Variants in ARHGEF33 observed in about 807,000 individuals in gnomAD.
ARHGEF33 encodes the protein Rho guanine nucleotide exchange factor 33.
In ARHGEF33, 72 loss-of-function variants were observed where a neutral mutation model predicts 101.9. The observed-to-expected ratio is 0.71, with a 90% confidence interval of 0.58 to 0.86. ARHGEF33 has a LOEUF of 0.86. ARHGEF33 is among the 40% of genes least tolerant of loss of function. ARHGEF33 has a pLI of 0.00. For missense variants in ARHGEF33, 1,169 were observed against 1,111.3 expected (o/e 1.05, Z -0.74); for synonymous variants, 499 against 442.5 (o/e 1.13, Z -1.60).
intron 11 of ARHGEF33, among the ~76,000 whole-genome samples, chr2:38,952,856 G>A (rs2124414895): frequency 6.6e-6 from 1 of 152,218 alleles, no homozygotes; most frequent in Non-Finnish European, 1.5e-5. Context: ...CTGCCATCAT[G>A]CCTGGCTAAT....
rs569821742 is a variant in ARHGEF33 at position 38,948,078 on chromosome 2, A to G, written c.921-2911A>G. On this transcript the variant is annotated intron_variant, in intron 10 of 17. Coordinates refer to ENST00000409978, the MANE Select transcript of ARHGEF33 (RefSeq NM_001145451.5). ...AAACTACTAATGTTGCCAAAATTTCATCCCAGTAAGGAATAGGAAAAAAAA... is the reference window on the plus strand; with the variant it reads ...AAACTACTAATGTTGCCAAAATTTCGTCCCAGTAAGGAATAGGAAAAAAAA... Among the ~76,000 whole-genome samples, 3 of 152,146 alleles carry G rather than the reference A, an allele frequency of 2.0e-5. No homozygotes were observed. The South Asian group carries it at 6.2e-4, about 32-fold the overall frequency.
chr2:38,960,891 A>G (rs964513261), intron 16 of ARHGEF33, among the ~76,000 whole-genome samples: 6 of 152,194 alleles, frequency 3.9e-5, no homozygotes, highest in Non-Finnish European at 8.8e-5. Flanking sequence ...CCAGGACCCA[A>G]AGAGCTTGCC....
rs779748452 is a variant in ARHGEF33 at position 38,937,484 on chromosome 2, C to G, written c.715C>G (p.Pro239Ala). ...WGEEYVTKDH[P>A]DKLKEAGQGR... ...TGAAGAATACGTCACAAAAGACCAC[C>G]CAGATAAACTCAAGGAGGCTGGCCA... Residue 239 changes from proline (P) to alanine (A), a missense_variant, in exon 9 of 18, where the codon CCA (proline) becomes GCA (alanine). Transcript: ENST00000409978. 35 of 1,550,848 alleles carry G rather than the reference C, an allele frequency of 2.3e-5. No homozygotes were observed. The African/African-American group carries it at 4.8e-4, about 21-fold the overall frequency.
chr2:38,892,183 G>A (rs1319083382), intron 1 of ARHGEF33, among the ~76,000 whole-genome samples: 1 of 152,130 alleles, frequency 6.6e-6, no homozygotes, highest in African/African-American at 2.4e-5. Flanking sequence ...ATTTGTCTTT[G>A]GGGCCTACTT....
chr2:38,906,367 C>A (rs1340419309), intron 2 of ARHGEF33, among the ~76,000 whole-genome samples: 1 of 151,994 alleles, frequency 6.6e-6, no homozygotes, highest in Non-Finnish European at 1.5e-5. Context: ...AATAATGCAA[C>A]AATAGATTGA....
intron 17 of ARHGEF33, chr2:38,969,381 A>C (rs998427593): frequency 5.9e-6 from 1 of 168,722 alleles, no homozygotes; most frequent in Non-Finnish European, 1.5e-5. Context: ...TCCTGTCTAC[A>C]CTGACACACT....
Position 38,907,217 on chromosome 2 carries a change from G to T in ARHGEF33, c.-86+11368G>T, listed in dbSNP as rs371681058. 3.2e-4 allele frequency among the ~76,000 whole-genome samples: 49 copies of T among 152,248 alleles called. No individual in the cohort carries two copies. The East Asian group carries it at 8.9e-3, about 28-fold the overall frequency. ...GCTGACCCCTGTCAAGTATGCACGG[G>T]CTGTGGACCATTTTTCTAACTGAAC... On this transcript the variant is annotated intron_variant, in intron 2 of 17. Transcript: ENST00000409978.
intron 4 of ARHGEF33, chr2:38,928,656 A>T (rs1175882777): frequency 3.7e-6 from 1 of 271,394 alleles, no homozygotes; most frequent in East Asian, 6.4e-5. Flanking sequence ...AGCACTTGTA[A>T]ACTTAATTAA....
At chr2:38,954,333 G>A (rs567190293) in intron 12 of ARHGEF33, 40 bp from the exon 13 acceptor site, 89 of 1,246,432 alleles carry the variant, frequency 7.1e-5, no homozygotes, top group Non-Finnish European at 9.9e-5. Flanking sequence ...GCCACAGCTG[G>A]AGGAACACTG....
intron 16 of ARHGEF33, among the ~76,000 whole-genome samples, chr2:38,965,050 A>G (rs879447830): frequency 5.5e-5 from 8 of 144,630 alleles, no homozygotes; most frequent in Non-Finnish European, 7.7e-5. Context: ...ATGTTTCCCG[A>G]AAAAAAAAAA....
Position 38,975,087 on chromosome 2 carries a change from A to T in ARHGEF33, c.*1244A>T, listed in dbSNP as rs575246703. Reference sequence around the variant, plus strand: ...CTGTTCATTCAAAATCTTGGTACTCAAACTGGTGTCTTCAGAAGCTGTTCC... The same window carrying T: ...CTGTTCATTCAAAATCTTGGTACTCTAACTGGTGTCTTCAGAAGCTGTTCC... On this transcript the variant is annotated 3_prime_UTR_variant, in exon 18 of 18. Coordinates refer to ENST00000409978, the MANE Select transcript of ARHGEF33 (RefSeq NM_001145451.5). 6 of 152,198 alleles carry T rather than the reference A, an allele frequency of 3.9e-5. No individual in the cohort carries two copies. The highest frequency in any genetic ancestry group is 8.8e-5 in the Non-Finnish European group (6 of 68,034). 9.4% of individuals were successfully genotyped at this position (152,198 alleles called of 1,614,324 possible).
chr2:38,912,085 G>A (rs1438440673), intron 2 of ARHGEF33, among the ~76,000 whole-genome samples: 2 of 152,190 alleles, frequency 1.3e-5, no homozygotes, highest in African/African-American at 2.4e-5. Flanking sequence ...ACATGATCAG[G>A]CATGATATAG....
chr2:38,952,944 C>G (rs1018800097), intron 11 of ARHGEF33, among the ~76,000 whole-genome samples: 1 of 152,196 alleles, frequency 6.6e-6, no homozygotes, highest in Non-Finnish European at 1.5e-5. Flanking sequence ...GGCAATCCAC[C>G]TGCCTTGGCC....
At chr2:38,959,652 C>G (rs1374284481) in intron 15 of ARHGEF33, 189 bp from the exon 16 acceptor site, 1 of 598,676 alleles carries the variant, frequency 1.7e-6, no homozygotes, top group Non-Finnish European at 2.8e-6. Flanking sequence ...CTCCGCTCGA[C>G]GGACTGCCTT....
intron 2 of ARHGEF33, among the ~76,000 whole-genome samples, chr2:38,907,128 A>G (rs1160635215): frequency 6.6e-6 from 1 of 152,128 alleles, no homozygotes; most frequent in Admixed American, 6.6e-5. Context: ...AGGAATGCCT[A>G]AGGCCTGTGA....
rs1668239965 is a variant in ARHGEF33 at position 38,974,762 on chromosome 2, C to G, written c.*919C>G. 1 of 152,198 alleles carries G rather than the reference C, an allele frequency of 6.6e-6. No individual in the cohort carries two copies. The highest frequency in any genetic ancestry group is 2.1e-4 in the South Asian group (1 of 4,826). The allele number at this position is 152,198 out of a possible 1,614,324, so 9.4% of individuals were successfully genotyped here. On this transcript the variant is annotated 3_prime_UTR_variant, in exon 18 of 18. Coordinates refer to ENST00000409978, the MANE Select transcript of ARHGEF33 (RefSeq NM_001145451.5). ...CAATAGCACCAAAACTTCAATGGCTCACACACAGCAGTTGCTACAAACAGC... is the reference window on the plus strand; with the variant it reads ...CAATAGCACCAAAACTTCAATGGCTGACACACAGCAGTTGCTACAAACAGC...
intron 4 of ARHGEF33, among the ~76,000 whole-genome samples, chr2:38,922,773 A>G (rs1015165043): frequency 6.6e-6 from 1 of 152,196 alleles, no homozygotes; most frequent in African/African-American, 2.4e-5. Flanking sequence ...CATTGATACA[A>G]TTCTGTGGGG....
chr2:38,912,213 G>A (rs1180973659), intron 2 of ARHGEF33, among the ~76,000 whole-genome samples: 1 of 152,202 alleles, frequency 6.6e-6, no homozygotes, highest in African/African-American at 2.4e-5. Flanking sequence ...GGTCAGGGAG[G>A]AATAGGAGCC....
At chr2:38,892,471 A>G (rs1344762382) in intron 1 of ARHGEF33, among the ~76,000 whole-genome samples, 3 of 152,142 alleles carry the variant, frequency 2.0e-5, no homozygotes, top group Non-Finnish European at 4.4e-5. Context: ...AAGTACCATA[A>G]CACCCGGGCA....
Sources: allele counts gnomAD v4.1 joint callset (sites outside exome capture counted in the v4.1 genomes callset), GRCh38; gene constraint gnomAD v4.1.1; transcripts MANE v1.5; gene names NCBI Gene and HGNC (gene_info 2026-07-23, HGNC 2026-07-21).